The following NRCAM variants were observed in gnomAD, a reference collection of about 807,000 sequenced individuals.
NRCAM encodes neuronal cell adhesion molecule, also known as NgCAM-related cell adhesion molecule.
A neutral mutation model predicts 156.5 loss-of-function variants in NRCAM; 83 were observed. The observed-to-expected ratio is 0.53, with a 90% CI of 0.44 to 0.64. The LOEUF is 0.64. Among genes scored for constraint, NRCAM ranks in the 30% least tolerant of loss-of-function variants. The pLI, the probability that NRCAM is intolerant of heterozygous loss-of-function variation, is 0.00. For missense variants in NRCAM, 1,417 were observed against 1,597.3 expected, an observed-to-expected ratio of 0.89 and a Z score of 1.92; for synonymous variants, 538 against 563.9, an observed-to-expected ratio of 0.95 and a Z score of 0.65.
chr7:108,340,523 A>G, intron 2 of NRCAM, among the ~76,000 whole-genome samples: 1 of 152,192 alleles, frequency 6.6e-6, no homozygotes, highest in Middle Eastern at 3.2e-3. Flanking sequence ...TATCTCAGTC[A>G]GGTCAATGAC....
chr7:108,286,556 A>G (rs1025580449), intron 3 of NRCAM, among the ~76,000 whole-genome samples: 1 of 152,206 alleles, frequency 6.6e-6, no homozygotes, highest in African/African-American at 2.4e-5. Flanking sequence ...GGAAGTATTT[A>G]TTGAATGATT....
At chr7:108,255,774 G>C (rs1333439532) in intron 3 of NRCAM, among the ~76,000 whole-genome samples, 1 of 151,264 alleles carries the variant, frequency 6.6e-6, no homozygotes, top group African/African-American at 2.4e-5. Context: ...GTCTCTGCCC[G>C]ACCGCCACCC....
At chr7:108,175,522 C>T (rs1426320182) in intron 27 of NRCAM, among the ~76,000 whole-genome samples, 165 bp from the exon 28 acceptor site, 1 of 152,122 alleles carries the variant, frequency 6.6e-6, no homozygotes, top group Non-Finnish European at 1.5e-5. Flanking sequence ...TGTCCCCAAA[C>T]TTATCTAGTA....
intron 1 of NRCAM, among the ~76,000 whole-genome samples, chr7:108,405,423 C>A (rs1316240316): frequency 6.6e-6 from 1 of 152,180 alleles, no homozygotes; most frequent in Non-Finnish European, 1.5e-5. Flanking sequence ...ACTTGGGACT[C>A]AGGGCTTGCA....
intron 13 of NRCAM, among the ~76,000 whole-genome samples, chr7:108,204,690 G>A (rs1442260148): frequency 6.6e-6 from 1 of 152,178 alleles, no homozygotes; most frequent in Non-Finnish European, 1.5e-5. Flanking sequence ...GCACACCAGA[G>A]GGTGAGCGAC....
chr7:108,434,556 A>ACACC (rs1238342573), intron 1 of NRCAM, among the ~76,000 whole-genome samples: 1 of 151,226 alleles, frequency 6.6e-6, no homozygotes, highest in African/African-American at 2.4e-5. Flanking sequence ...ACACACACAC[A>ACACC]CACACACACA....
intron 3 of NRCAM, among the ~76,000 whole-genome samples, chr7:108,272,487 T>C (rs994474053): frequency 6.6e-6 from 1 of 152,182 alleles, no homozygotes; most frequent in Non-Finnish European, 1.5e-5. Flanking sequence ...TCTTTATTTA[T>C]CCCACTAAGT....
At chr7:108,270,858 G>GACCCCCCCCCT (rs2097317116) in intron 3 of NRCAM, among the ~76,000 whole-genome samples, 1 of 152,170 alleles carries the variant, frequency 6.6e-6, no homozygotes, top group Non-Finnish European at 1.5e-5. Context: ...TGCTTGCCAG[G>GACCCCCCCCCT]GGCTGGAAGA....
intron 1 of NRCAM, among the ~76,000 whole-genome samples, chr7:108,422,561 T>C (rs1811426005): frequency 6.6e-6 from 1 of 152,120 alleles, no homozygotes; most frequent in Admixed American, 6.5e-5. Flanking sequence ...CAAGTACACT[T>C]AAAGTAAAAG....
intron 2 of NRCAM, among the ~76,000 whole-genome samples, chr7:108,385,755 G>C (rs1321812855): frequency 6.6e-6 from 1 of 152,096 alleles, no homozygotes; most frequent in Non-Finnish European, 1.5e-5. Context: ...GGCAGAAACA[G>C]GAATGAAATT....
At chr7:108,432,918 A>C (rs1434322602) in intron 1 of NRCAM, among the ~76,000 whole-genome samples, 1 of 94,116 alleles carries the variant, frequency 1.1e-5, no homozygotes, top group East Asian at 5.0e-4. Context: ...AGAGAAAGAG[A>C]AAGAGAAAGA....
At chr7:108,198,763 G>A (rs1041597965) in intron 13 of NRCAM, among the ~76,000 whole-genome samples, 2 of 152,168 alleles carry the variant, frequency 1.3e-5, no homozygotes, top group Non-Finnish European at 2.9e-5. Flanking sequence ...TTAATTTTCT[G>A]CTGTGGATAT....
intron 2 of NRCAM, among the ~76,000 whole-genome samples, chr7:108,388,159 G>A (rs2099747480): frequency 6.6e-6 from 1 of 152,152 alleles, no homozygotes; most frequent in Non-Finnish European, 1.5e-5. Context: ...GGTTGAACTA[G>A]TTTACAGTCC....
At chr7:108,389,589 T>G (rs1489154633) in intron 2 of NRCAM, among the ~76,000 whole-genome samples, 1 of 152,214 alleles carries the variant, frequency 6.6e-6, no homozygotes, top group Non-Finnish European at 1.5e-5. Context: ...CTTCCAACAC[T>G]ATGTTGAATA....
intron 28 of NRCAM, among the ~76,000 whole-genome samples, chr7:108,173,233 G>A (rs558363528): frequency 6.6e-5 from 10 of 152,124 alleles, no homozygotes; most frequent in South Asian, 2.1e-4. Context: ...TGATCTGCCC[G>A]CCTCAGCCTC....
At chr7:108,156,510 G>T (rs1028072099) in intron 32 of NRCAM, 2 of 725,562 alleles carry the variant, frequency 2.8e-6, no homozygotes, top group Non-Finnish European at 3.4e-6. Flanking sequence ...TAACTGCTTG[G>T]GGGTGGGTGT....
At chr7:108,363,892 C>T (rs2099574937) in intron 2 of NRCAM, among the ~76,000 whole-genome samples, 1 of 152,032 alleles carries the variant, frequency 6.6e-6, no homozygotes, top group Non-Finnish European at 1.5e-5. Context: ...GAGAAACTGT[C>T]ACAGCCAAGA....
chr7:108,331,360 C>G (rs1182986522), intron 2 of NRCAM, among the ~76,000 whole-genome samples: 1 of 151,924 alleles, frequency 6.6e-6, no homozygotes, highest in African/African-American at 2.4e-5. Context: ...GTGACTGCAC[C>G]ACTGTACTCC....
intron 3 of NRCAM, among the ~76,000 whole-genome samples, chr7:108,252,640 A>C (rs2096417030): frequency 7.4e-6 from 1 of 134,530 alleles, no homozygotes; most frequent in Non-Finnish European, 1.6e-5. Context: ...GGTTATAAGA[A>C]TAGGAGATAG....
Sources: gnomAD v4.1 joint callset for allele counts (sites outside exome capture counted in the v4.1 genomes callset) on GRCh38, gnomAD v4.1.1 for gene constraint, MANE v1.5 for transcripts, NCBI Gene and HGNC (gene_info 2026-07-23, HGNC 2026-07-21) for gene names.